The following HDX variants were observed in gnomAD, a reference collection of about 807,000 sequenced individuals.
The protein encoded by HDX is chromosome X open reading frame 43.
A neutral mutation model predicts 45.2 loss-of-function variants in HDX; 19 were observed. The observed-to-expected ratio is 0.42, with a 90% CI of 0.29 to 0.62. The LOEUF is 0.62. HDX is among the 20% of genes least tolerant of loss of function. The probability of loss-of-function intolerance (pLI) is 0.20; values close to 1 mark genes in which losing one functional copy is unlikely to be tolerated. For synonymous variants in HDX, 188 were observed against 172.8 expected, an observed-to-expected ratio of 1.09 and a Z score of -0.69; for missense variants, 532 against 493.9, an observed-to-expected ratio of 1.08 and a Z score of -0.73.
chrX:84,380,718 A>G (rs1358329808), intron 5 of HDX, among the ~76,000 whole-genome samples: 1 of 111,219 alleles, frequency 9.0e-6, no homozygotes, highest in Non-Finnish European at 1.9e-5. Flanking sequence ...CAGGGATAGA[A>G]GAAACATACC....
chrX:84,389,139 T>C (rs1424788523), intron 5 of HDX, among the ~76,000 whole-genome samples: 1 of 112,143 alleles, frequency 8.9e-6, no homozygotes, highest in Non-Finnish European at 1.9e-5. Context: ...TGATGGCCAG[T>C]AGTTAGGCTA....
At chrX:84,434,735 G>T (rs1018715341) in intron 5 of HDX, among the ~76,000 whole-genome samples, 2 of 111,532 alleles carry the variant, frequency 1.8e-5, no homozygotes, top group African/African-American at 6.5e-5. Context: ...TATAGTTTGA[G>T]AATAACTGGT....
At chrX:84,476,235 T>C (rs113427046) in intron 2 of HDX, among the ~76,000 whole-genome samples, 6,301 of 111,004 alleles carry the variant, frequency 0.057, 440 homozygotes, top group African/African-American at 0.19. Context: ...TAAATTCTAG[T>C]AGTGCATTTC....
intron 4 of HDX, among the ~76,000 whole-genome samples, chrX:84,442,703 A>T (rs2039788543): frequency 1.8e-5 from 2 of 111,194 alleles, no homozygotes; most frequent in African/African-American, 6.5e-5. Flanking sequence ...CCGCTTAAAT[A>T]ATATAATATA....
chrX:84,324,823 T>C (rs1055918090), intron 10 of HDX, among the ~76,000 whole-genome samples: 2 of 110,785 alleles, frequency 1.8e-5, no homozygotes, highest in African/African-American at 6.5e-5. Flanking sequence ...AGCCACACTT[T>C]AAGTTATTCC....
At chrX:84,349,792 T>C (rs2037298425) in intron 6 of HDX, among the ~76,000 whole-genome samples, 1 of 108,392 alleles carries the variant, frequency 9.2e-6, no homozygotes, top group Non-Finnish European at 1.9e-5. Context: ...CAGGCCATTA[T>C]TCTAAGTGAA....
intron 5 of HDX, among the ~76,000 whole-genome samples, chrX:84,394,251 A>G (rs888607231): frequency 4.5e-5 from 5 of 111,295 alleles, no homozygotes; most frequent in African/African-American, 1.6e-4. Flanking sequence ...TTCTTTATTG[A>G]TCCAATAGTC....
At chrX:84,361,325 T>G in intron 6 of HDX, 141 bp downstream of exon 6, 1 of 439,442 alleles carries the variant, frequency 2.3e-6, no homozygotes, top group African/African-American at 2.5e-5. Context: ...ATCAGATATA[T>G]GATTTCAAAA....
At chrX:84,446,462 C>T (rs1968992310) in intron 4 of HDX, among the ~76,000 whole-genome samples, 1 of 111,653 alleles carries the variant, frequency 9.0e-6, no homozygotes, top group South Asian at 3.7e-4. Flanking sequence ...AGAATGGTTA[C>T]CATGAATCAC....
At chrX:84,427,609 C>A (rs1473841242) in intron 5 of HDX, among the ~76,000 whole-genome samples, 2 of 111,084 alleles carry the variant, frequency 1.8e-5, no homozygotes, top group East Asian at 2.8e-4. Flanking sequence ...TGTTGAGATT[C>A]ATTCACATTG....
chrX:84,502,092 G>C (rs2041132030), intron 1 of HDX, among the ~76,000 whole-genome samples: 2 of 111,097 alleles, frequency 1.8e-5, no homozygotes, highest in South Asian at 7.6e-4. Flanking sequence ...AAGGTCCTTC[G>C]CTCTCTGGCA....
At chrX:84,406,024 G>A (rs778086712) in intron 5 of HDX, among the ~76,000 whole-genome samples, 4 of 110,275 alleles carry the variant, frequency 3.6e-5, no homozygotes, top group South Asian at 7.6e-4. Flanking sequence ...TTACGAAGCC[G>A]CCAGTATTTA....
chrX:84,356,726 C>T (rs1306024938), intron 6 of HDX, among the ~76,000 whole-genome samples: 1 of 104,885 alleles, frequency 9.5e-6, no homozygotes, highest in African/African-American at 3.5e-5. Flanking sequence ...AGGTTCACGC[C>T]ATTCTCCTGC....
chrX:84,337,030 C>G lies in HDX; in HGVS notation c.1661-150G>C, dbSNP rs2036980339. 5 of 425,372 alleles carry G rather than the reference C, an allele frequency of 1.2e-5. No homozygotes were observed. In the East Asian group the frequency reaches 2.0e-4, roughly 17 times the overall value. 35.1% of individuals were successfully genotyped at this position (425,372 alleles called of 1,213,427 possible). A position where few individuals can be genotyped will look rare whatever the true frequency, so the allele number is the denominator to read the frequency against. On this transcript the variant is annotated intron_variant, in intron 7 of 10. Coordinates refer to ENST00000373177, the MANE Select transcript of HDX (RefSeq NM_001177479.2). ...GTTTGATGAGCAATTCTACTTCAAA[C>G]AATGCATTCAAAGGAAATAAGTAGG...
At chrX:84,414,328 T>A (rs184299525) in intron 5 of HDX, among the ~76,000 whole-genome samples, 1 of 111,537 alleles carries the variant, frequency 9.0e-6, no homozygotes, top group Non-Finnish European at 1.9e-5. Context: ...GTGATTCCTA[T>A]GATCAAGCAA....
intron 1 of HDX, chrX:84,501,430 CTG>C (rs1189391422): frequency 3.6e-5 from 4 of 111,891 alleles, no homozygotes; most frequent in Non-Finnish European, 5.6e-5. Flanking sequence ...ATTTCTTACT[CTG>C]AGCCTCCACA....
chrX:84,343,087 CAGATCAGT>C (rs1309091365), intron 7 of HDX, among the ~76,000 whole-genome samples: 1 of 110,738 alleles, frequency 9.0e-6, no homozygotes, highest in African/African-American at 3.3e-5. Context: ...CGTCATAAAG[CAGATCAGT>C]GGCTTCCTGA....
intron 1 of HDX, among the ~76,000 whole-genome samples, chrX:84,490,703 T>C (rs1239596877): frequency 9.6e-6 from 1 of 104,360 alleles, no homozygotes; most frequent in East Asian, 2.8e-4. Flanking sequence ...ATTTATTTTT[T>C]ATAATTTTTT....
intron 4 of HDX, among the ~76,000 whole-genome samples, chrX:84,462,876 C>T (rs2040269694): frequency 9.0e-6 from 1 of 111,134 alleles, no homozygotes; most frequent in Admixed American, 9.5e-5. Context: ...CATGCTATGA[C>T]ATGAATGAAA....
Sources: gnomAD v4.1 joint callset for allele counts (sites outside exome capture counted in the v4.1 genomes callset) on GRCh38, gnomAD v4.1.1 for gene constraint, MANE v1.5 for transcripts, NCBI Gene and HGNC (gene_info 2026-07-23, HGNC 2026-07-21) for gene names.